COL25A1: variants seen among roughly 807,000 people sequenced by gnomAD.
COL25A1 encodes collagen alpha-1(XXV) chain.
In COL25A1, 103 loss-of-function variants were observed where a neutral mutation model predicts 128.4. The ratio of observed to expected loss-of-function variants is 0.80; its 90% CI spans 0.68 to 0.94. COL25A1 has a LOEUF of 0.94. Ranked by LOEUF, COL25A1 falls within the 40% of genes least tolerant of loss-of-function variation. The pLI is 0.00. For synonymous variants in COL25A1, 279 were observed against 277.2 expected (o/e 1.01, Z -0.06); for missense variants, 745 against 840.0 (o/e 0.89, Z 1.40).
intron 19 of COL25A1, among the ~76,000 whole-genome samples, chr4:108,876,803 A>T (rs546449187): frequency 1.3e-5 from 2 of 152,188 alleles, no homozygotes; most frequent in South Asian, 2.1e-4. Flanking sequence ...ATTTGGTCTA[A>T]TTTTCTGGTC....
rs58915776 is a variant in COL25A1, at chr4:108,817,055, A to G, written c.1962+342T>C. The stretch of plus-strand genomic sequence containing the variant: ...ATGTATTATCATGTTTGTCAGTGTA[A>G]GTAAGGATAAATAGAAAAAGAATCA... On this transcript the variant is annotated intron_variant, in intron 37 of 37. Coordinates refer to ENST00000399132, the MANE Select transcript of COL25A1 (RefSeq NM_198721.4). 0.018 allele frequency among the ~76,000 whole-genome samples: 2,722 copies of G among 152,266 alleles called. 202 individuals carry two copies. In the East Asian group the frequency reaches 0.25, roughly 14 times the overall value.
chr4:108,863,769 A>ACT (rs1272123940), intron 20 of COL25A1, among the ~76,000 whole-genome samples: 7 of 152,116 alleles, frequency 4.6e-5, no homozygotes, highest in African/African-American at 7.2e-5. Flanking sequence ...GGAAAGGCAA[A>ACT]CTCTCTCTTC....
chr4:108,859,564 T>C (rs181731753), intron 24 of COL25A1, 92 bp downstream of exon 24: 2 of 979,580 alleles, frequency 2.0e-6, no homozygotes, highest in East Asian at 2.6e-5. Flanking sequence ...CCTCTGAGGA[T>C]AGAGGGTGTG....
Position 109,211,290 on chromosome 4 carries a change from CTATATATA to C in COL25A1, c.367+89285_367+89292del, listed in dbSNP as rs753994624. 7.0e-3 allele frequency among the ~76,000 whole-genome samples: 714 copies of C among 102,470 alleles called. 5 individuals carry two copies. Among genetic ancestry groups the C allele is most frequent in the African/African-American group, 0.016 (566 of 35,442 alleles). 67.2% of individuals were successfully genotyped at this position (102,470 alleles called of 152,430 possible). A position where few individuals can be genotyped will look rare whatever the true frequency, so the allele number is the denominator to read the frequency against. On this transcript the variant is annotated intron_variant, in intron 3 of 37. Transcript: ENST00000399132. ...TATATGAAACTATATATATATGAAACTATATATATATATATATATATATATATATATAT... is the reference window on the plus strand; with the variant it reads ...TATATGAAACTATATATATATGAAACTATATATATATATATATATATATAT...
rs375938075 is a variant in COL25A1, at chr4:108,895,273, T to C, written c.906+1394A>G. On this transcript the variant is annotated intron_variant, in intron 16 of 37. Transcript: ENST00000399132. ...GACTAACCATTATCCATCTGTACTG[T>C]AGTAATTTTCAAAGTGGAATAGTCT... Among the ~76,000 whole-genome samples, 38 of 152,338 alleles carry C rather than the reference T, an allele frequency of 2.5e-4. No individual in the cohort carries two copies. The South Asian group carries it at 7.9e-3, about 32-fold the overall frequency.
At chr4:108,985,226 G>GT (rs1753551927) in intron 6 of COL25A1, among the ~76,000 whole-genome samples, 2 of 152,108 alleles carry the variant, frequency 1.3e-5, no homozygotes, top group African/African-American at 4.8e-5. Context: ...GAAGAACACT[G>GT]TACCTACCCA....
intron 16 of COL25A1, 107 bp downstream of exon 16, chr4:108,896,560 C>A: frequency 2.3e-6 from 2 of 864,092 alleles, no homozygotes; most frequent in South Asian, 3.0e-5. Flanking sequence ...CTGACCTTTT[C>A]ATATTAAGCA....
intron 32 of COL25A1, among the ~76,000 whole-genome samples, chr4:108,831,681 AG>A (rs1315254906): frequency 1.4e-3 from 142 of 102,330 alleles, no homozygotes; most frequent in African/African-American, 5.4e-3. Flanking sequence ...AGAAAGAGAG[AG>A]AGGGGGAGAG....
chr4:108,903,030 T>C (rs1268103566), intron 13 of COL25A1, among the ~76,000 whole-genome samples: 4 of 151,844 alleles, frequency 2.6e-5, no homozygotes, highest in Admixed American at 2.6e-4. Context: ...GTTTAGACTT[T>C]CAAAGAATAA....
chr4:109,264,193 G>A (rs74409893), intron 3 of COL25A1, among the ~76,000 whole-genome samples: 3,546 of 152,276 alleles, frequency 0.023, 148 homozygotes, highest in African/African-American at 0.077. Flanking sequence ...CATCTTGGGT[G>A]AAGGCCAAAA....
chr4:109,173,407 A>G (rs980561421), intron 3 of COL25A1, among the ~76,000 whole-genome samples: 5 of 152,178 alleles, frequency 3.3e-5, no homozygotes, highest in African/African-American at 4.8e-5. Context: ...TGATGAATTA[A>G]ATGACCTTCA....
chr4:108,856,842 A>G (rs182759642), intron 24 of COL25A1, among the ~76,000 whole-genome samples: 1 of 152,240 alleles, frequency 6.6e-6, no homozygotes, highest in Admixed American at 6.5e-5. Context: ...ATATCAGTAA[A>G]AAGTGTTCAG....
intron 3 of COL25A1, among the ~76,000 whole-genome samples, chr4:109,175,227 C>T (rs577521076): frequency 1.6e-4 from 25 of 152,110 alleles, no homozygotes; most frequent in Non-Finnish European, 1.8e-4. Flanking sequence ...CTACTCATGG[C>T]CAAGGTCATA....
intron 5 of COL25A1, among the ~76,000 whole-genome samples, chr4:109,035,202 A>C (rs945626913): frequency 1.3e-5 from 2 of 152,210 alleles, no homozygotes; most frequent in Admixed American, 1.3e-4. Context: ...CACATCTGAA[A>C]TGATGCTGAC....
At chr4:108,826,732 A>G (rs1732436570) in intron 33 of COL25A1, among the ~76,000 whole-genome samples, 1 of 152,178 alleles carries the variant, frequency 6.6e-6, no homozygotes, top group African/African-American at 2.4e-5. Flanking sequence ...AGGAACAGAT[A>G]AAGTCTGAAG....
At chr4:108,924,083 C>T (rs1306439732) in intron 11 of COL25A1, among the ~76,000 whole-genome samples, 3 of 151,998 alleles carry the variant, frequency 2.0e-5, no homozygotes, top group Non-Finnish European at 4.4e-5. Flanking sequence ...TAATTAGAAC[C>T]TTAAAATACA....
intron 3 of COL25A1, among the ~76,000 whole-genome samples, chr4:109,124,608 G>C (rs1768413244): frequency 6.6e-6 from 1 of 151,854 alleles, no homozygotes; most frequent in Non-Finnish European, 1.5e-5. Context: ...TAAAATAAAT[G>C]TGTGTATTTA....
chr4:108,928,044 C>T (rs967681297), intron 11 of COL25A1, among the ~76,000 whole-genome samples: 5 of 152,120 alleles, frequency 3.3e-5, no homozygotes, highest in African/African-American at 1.2e-4. Flanking sequence ...TATTGCTAAA[C>T]CCAAAATGGA....
At chr4:109,076,376 C>T (rs1169701541) in intron 3 of COL25A1, among the ~76,000 whole-genome samples, 1 of 152,136 alleles carries the variant, frequency 6.6e-6, no homozygotes, top group Non-Finnish European at 1.5e-5. Context: ...CTTTTATTAA[C>T]CCTAGTAGCT....
Sources: gnomAD v4.1 joint callset for allele counts (sites outside exome capture counted in the v4.1 genomes callset) on GRCh38, gnomAD v4.1.1 for gene constraint, MANE v1.5 for transcripts, NCBI Gene and HGNC (gene_info 2026-07-23, HGNC 2026-07-21) for gene names.